Variants in ACSL1 observed in about 807,000 individuals in gnomAD.
The protein encoded by ACSL1 is long-chain-fatty-acid--CoA ligase 1.
In ACSL1, 41 loss-of-function variants were observed where a neutral mutation model predicts 98.4. That is an observed-to-expected ratio of 0.42 (90% CI 0.32 to 0.54). The LOEUF (loss-of-function observed/expected upper bound fraction) is 0.54. ACSL1 is among the 20% of genes least tolerant of loss of function. ACSL1 has a pLI of 0.13. For missense variants in ACSL1, 734 were observed against 883.1 expected (o/e 0.83, Z 2.14); for synonymous variants, 316 against 322.7 (o/e 0.98, Z 0.22).
chr4:184,813,888 G>C, intron 1 of ACSL1: 1 of 456,104 alleles, frequency 2.2e-6, no homozygotes. Context: ...CCACTTGTTT[G>C]AGAAACTGCA....
intron 17 of ACSL1, among the ~76,000 whole-genome samples, chr4:184,761,511 C>T (rs1358060340): frequency 1.3e-5 from 2 of 152,198 alleles, no homozygotes; most frequent in Admixed American, 6.5e-5. Context: ...TAGGACAGGT[C>T]AGGCTTCTTG....
At chr4:184,791,725 G>A (rs540302774) in intron 2 of ACSL1, among the ~76,000 whole-genome samples, 1 of 152,298 alleles carries the variant, frequency 6.6e-6, no homozygotes, top group South Asian at 2.1e-4. Context: ...CTACAGACCT[G>A]GATAGGGCAG....
rs144829371 is a variant in ACSL1, at chr4:184,808,084, G to T, written c.-32-4538C>A. 5.6e-3 allele frequency among the ~76,000 whole-genome samples: 846 copies of T among 152,224 alleles called. 10 individuals carry two copies. The highest frequency in any genetic ancestry group is 0.02 in the African/African-American group (819 of 41,512). On this transcript the variant is annotated intron_variant, in intron 1 of 20. Coordinates refer to ENST00000281455, the MANE Select transcript of ACSL1 (RefSeq NM_001995.5). ...TCTTACAAAAACGTTAGCATTTATTGTATCACCCTGGCCTCTGAACACGTG... is the reference window on the plus strand; with the variant it reads ...TCTTACAAAAACGTTAGCATTTATTTTATCACCCTGGCCTCTGAACACGTG...
chr4:184,790,108 G>A (rs931162253), intron 2 of ACSL1, among the ~76,000 whole-genome samples: 2 of 152,164 alleles, frequency 1.3e-5, no homozygotes, highest in African/African-American at 4.8e-5. Context: ...AGGCTGAGGA[G>A]GGCCGCGCTG....
At chr4:184,790,278 T>C (rs1013415257) in intron 2 of ACSL1, among the ~76,000 whole-genome samples, 1 of 152,214 alleles carries the variant, frequency 6.6e-6, no homozygotes, top group Non-Finnish European at 1.5e-5. Context: ...TAAGTTATAA[T>C]GTATATACTG....
chr4:184,814,231 C>CA (rs1561247453), intron 1 of ACSL1, among the ~76,000 whole-genome samples: 1 of 136,430 alleles, frequency 7.3e-6, no homozygotes, highest in Non-Finnish European at 1.5e-5. Context: ...GCGGAGCTTG[C>CA]AGTGAGCCAA....
intron 7 of ACSL1, among the ~76,000 whole-genome samples, chr4:184,775,051 A>G (rs1765076287): frequency 6.6e-6 from 1 of 152,230 alleles, no homozygotes; most frequent in Non-Finnish European, 1.5e-5. Flanking sequence ...TTGGCTCTTA[A>G]TTTATTGGGA....
At chr4:184,772,998 C>T (rs1025626695) in intron 10 of ACSL1, 83 bp downstream of exon 10, 1 of 1,353,786 alleles carries the variant, frequency 7.4e-7, no homozygotes. Flanking sequence ...GGACCTAACA[C>T]ACTGGTGCCC....
intron 2 of ACSL1, among the ~76,000 whole-genome samples, chr4:184,796,418 C>T (rs1046461145): frequency 1.3e-5 from 2 of 152,230 alleles, no homozygotes; most frequent in Non-Finnish European, 2.9e-5. Context: ...GCCAGGATCG[C>T]TTGCCGCAAA....
At position 184,760,360 on chromosome 4, in the gene ACSL1, C is replaced by T. The variant is rs141504824; in HGVS notation, c.1779G>A (p.Leu593=). Residue 593 remains leucine, a synonymous_variant, in exon 18 of 21, where the codon CTG becomes CTA. Transcript: ENST00000281455. ...TCAAGACCCAGAAAGCACATACCTG[C>T]AGGCTTTCTCCGTGGACAAACACCT... ...VAQVFVHGES[L]QAFLIAIVVP... is the part of the protein sequence containing the mutation. 6.2e-7 allele frequency: 1 copy of T among 1,614,092 alleles called. No individual in the cohort carries two copies. Among genetic ancestry groups the T allele is most frequent in the South Asian group, 1.1e-5 (1 of 91,072 alleles).
At position 184,756,431 on chromosome 4, in the gene ACSL1, C is replaced by T. The variant is rs146631998; in HGVS notation, c.*694G>A. ...GCATTCTGCCATGAAAGAGAATCCACGCGTTCTGATGAGCACCCATTTGCC... is the reference window on the plus strand; with the variant it reads ...GCATTCTGCCATGAAAGAGAATCCATGCGTTCTGATGAGCACCCATTTGCC... On this transcript the variant is annotated 3_prime_UTR_variant, in exon 21 of 21. Coordinates refer to ENST00000281455, the MANE Select transcript of ACSL1 (RefSeq NM_001995.5). 1.8e-3 allele frequency: 280 copies of T among 152,740 alleles called. 6 individuals carry two copies. The East Asian group carries it at 0.032, about 18-fold the overall frequency. The allele number at this position is 152,740 out of a possible 1,614,324, so 9.5% of individuals were successfully genotyped here.
intron 5 of ACSL1, among the ~76,000 whole-genome samples, chr4:184,779,231 C>A (rs1390483521): frequency 6.6e-6 from 1 of 152,166 alleles, no homozygotes. Context: ...GTAATTGAAT[C>A]ATGGGGGCTG....
chr4:184,821,532 T>C (rs1365384640), intron 1 of ACSL1, among the ~76,000 whole-genome samples: 2 of 152,278 alleles, frequency 1.3e-5, no homozygotes, highest in African/African-American at 4.8e-5. Context: ...TCAACTGCTT[T>C]TGACTAGAAT....
At chr4:184,780,853 A>G (rs1766125677) in intron 4 of ACSL1, among the ~76,000 whole-genome samples, 1 of 152,196 alleles carries the variant, frequency 6.6e-6, no homozygotes, top group African/African-American at 2.4e-5. Flanking sequence ...CCTATAAAAA[A>G]TAAGAGCAAG....
chr4:184,822,855 A>G (rs2150506852), intron 1 of ACSL1, among the ~76,000 whole-genome samples: 1 of 152,342 alleles, frequency 6.6e-6, no homozygotes, highest in Admixed American at 6.5e-5. Flanking sequence ...GCTTGCCACA[A>G]ACTGAAATTT....
chr4:184,812,574 T>C (rs1054445080), intron 1 of ACSL1, among the ~76,000 whole-genome samples: 1 of 150,968 alleles, frequency 6.6e-6, no homozygotes, highest in African/African-American at 2.5e-5. Flanking sequence ...ATTCTCTTGC[T>C]CTTATTTTGA....
chr4:184,810,674 G>C (rs1288028051), intron 1 of ACSL1, among the ~76,000 whole-genome samples: 1 of 152,144 alleles, frequency 6.6e-6, no homozygotes, highest in East Asian at 1.9e-4. Context: ...CTGACCTCAG[G>C]GCTCGCACTT....
At chr4:184,770,888 C>A (rs1764407264) in intron 10 of ACSL1, among the ~76,000 whole-genome samples, 2 of 152,120 alleles carry the variant, frequency 1.3e-5, no homozygotes, top group South Asian at 4.1e-4. Flanking sequence ...CTTTGGGAGG[C>A]CAAGGCAGGC....
At chr4:184,774,609 G>A (rs751830894) in intron 7 of ACSL1, among the ~76,000 whole-genome samples, 6 of 152,110 alleles carry the variant, frequency 3.9e-5, no homozygotes, top group African/African-American at 7.2e-5. Flanking sequence ...GGCAGTCTTG[G>A]TGGCCACTTT....
Sources: allele counts gnomAD v4.1 joint callset (sites outside exome capture counted in the v4.1 genomes callset), GRCh38; gene constraint gnomAD v4.1.1; transcripts MANE v1.5; gene names NCBI Gene and HGNC (gene_info 2026-07-23, HGNC 2026-07-21).